The following PTPRN2 variants were observed in gnomAD, a reference collection of about 807,000 sequenced individuals.
PTPRN2 encodes the protein receptor-type tyrosine-protein phosphatase N2.
A neutral mutation model predicts 118.8 loss-of-function variants in PTPRN2; 74 were observed. The ratio of observed to expected loss-of-function variants is 0.62; its 90% CI spans 0.52 to 0.76. The LOEUF (loss-of-function observed/expected upper bound fraction) is 0.76. Ranked by LOEUF, PTPRN2 falls within the 30% of genes least tolerant of loss-of-function variation. The probability of loss-of-function intolerance (pLI) is 0.00; values close to 1 mark genes in which losing one functional copy is unlikely to be tolerated. For missense variants in PTPRN2, 1,481 were observed against 1,394.4 expected, an observed-to-expected ratio of 1.06 and a Z score of -0.99; for synonymous variants, 641 against 608.0, an observed-to-expected ratio of 1.05 and a Z score of -0.80.
chr7:157,998,672 A>C (rs796288119), intron 11 of PTPRN2, among the ~76,000 whole-genome samples: 55 of 152,104 alleles, frequency 3.6e-4, no homozygotes, highest in African/African-American at 1.3e-3. Context: ...AAAATACAAA[A>C]ATTAGCTGGG....
At chr7:158,341,533 TAA>T (rs1446770041) in intron 2 of PTPRN2, among the ~76,000 whole-genome samples, 89 of 72,178 alleles carry the variant, frequency 1.2e-3, no homozygotes, top group African/African-American at 5.4e-3. Flanking sequence ...ACTCTCACCA[TAA>T]GAGGTGACAT....
chr7:158,071,391 G>C (rs1427605508), intron 11 of PTPRN2, among the ~76,000 whole-genome samples: 9 of 103,264 alleles, frequency 8.7e-5, no homozygotes, highest in Non-Finnish European at 1.5e-4. Flanking sequence ...GCTCGTGGTG[G>C]AGGTGCTCGT....
chr7:157,650,648 G>A (rs1045809880), intron 14 of PTPRN2, among the ~76,000 whole-genome samples: 4 of 152,230 alleles, frequency 2.6e-5, no homozygotes, highest in South Asian at 2.1e-4. Flanking sequence ...CGTCAACCAC[G>A]TGGGAACGAT....
chr7:158,044,658 A>C (rs1032979173), intron 11 of PTPRN2, among the ~76,000 whole-genome samples: 1 of 151,936 alleles, frequency 6.6e-6, no homozygotes, highest in Non-Finnish European at 1.5e-5. Flanking sequence ...GGGGACAAGG[A>C]GAACCCGTGC....
chr7:158,063,252 A>G (rs753780550), intron 11 of PTPRN2, among the ~76,000 whole-genome samples: 45 of 151,876 alleles, frequency 3.0e-4, no homozygotes, highest in Non-Finnish European at 4.9e-4. Context: ...AAATACACCA[A>G]TCAGCACTCT....
At chr7:157,775,700 C>T (rs574256827) in intron 12 of PTPRN2, among the ~76,000 whole-genome samples, 3 of 152,256 alleles carry the variant, frequency 2.0e-5, no homozygotes, top group African/African-American at 7.2e-5. Context: ...GGAGCCTGGA[C>T]GGAAGCTCCA....
At chr7:158,448,757 C>T (rs190675550) in intron 2 of PTPRN2, among the ~76,000 whole-genome samples, 26 of 152,290 alleles carry the variant, frequency 1.7e-4, no homozygotes, top group African/African-American at 4.8e-4. Flanking sequence ...CAGCCTAAGA[C>T]GGGTTCAAGG....
intron 2 of PTPRN2, among the ~76,000 whole-genome samples, chr7:158,396,438 ATG>A (rs1190883455): frequency 1.3e-4 from 20 of 149,340 alleles, no homozygotes; most frequent in Middle Eastern, 3.5e-3. Flanking sequence ...GTGTGCATGA[ATG>A]TGTCACGTGT....
chr7:157,598,888 T>C lies in PTPRN2; in HGVS notation c.2419-3573A>G, dbSNP rs142598951. Among the ~76,000 whole-genome samples the C allele has an allele frequency of 3.1e-3, 469 of 152,330 alleles. 6 individuals are homozygous for C. Among genetic ancestry groups the C allele is most frequent in the African/African-American group, 0.011 (438 of 41,570 alleles). On this transcript the variant is annotated intron_variant, in intron 16 of 22. Transcript: ENST00000389418. The surrounding 1 kb of genome is among the most constrained non-coding windows in gnomAD (Gnocchi z 5.2). ...CGCTTTCTCCCCAGACAGGGGCTTC[T>C]GCAGCAACACATCCCGCCTAGAGAG...
intron 9 of PTPRN2, among the ~76,000 whole-genome samples, chr7:158,114,757 C>A (rs1816589425): frequency 6.6e-6 from 1 of 152,136 alleles, no homozygotes; most frequent in Non-Finnish European, 1.5e-5. Context: ...GTAAGGGAGC[C>A]CCAGAAGGGT....
intron 2 of PTPRN2, among the ~76,000 whole-genome samples, chr7:158,444,180 A>C (rs924546154): frequency 5.3e-5 from 8 of 152,226 alleles, no homozygotes; most frequent in Non-Finnish European, 1.0e-4. Flanking sequence ...CCCCTCCGGC[A>C]GCCTCGCCTG....
chr7:157,888,813 C>T (rs2043491), intron 12 of PTPRN2, among the ~76,000 whole-genome samples: 21,362 of 152,088 alleles, frequency 0.14, 1,746 homozygotes, highest in Admixed American at 0.25. Flanking sequence ...TGTGTGTAAA[C>T]GCCTTTCCTT....
At chr7:157,999,349 G>C (rs945363434) in intron 11 of PTPRN2, among the ~76,000 whole-genome samples, 8 of 152,144 alleles carry the variant, frequency 5.3e-5, no homozygotes, top group African/African-American at 1.9e-4. Flanking sequence ...TAGTTTCATG[G>C]TGACTGAGCA....
intron 3 of PTPRN2, among the ~76,000 whole-genome samples, chr7:158,255,229 C>T (rs892451422): frequency 3.3e-5 from 5 of 152,188 alleles, no homozygotes; most frequent in Admixed American, 1.3e-4. Flanking sequence ...CAAGACTTCA[C>T]GCGAGCACAG....
intron 3 of PTPRN2, among the ~76,000 whole-genome samples, chr7:158,284,258 G>A (rs1206810825): frequency 6.6e-6 from 1 of 152,166 alleles, no homozygotes; most frequent in African/African-American, 2.4e-5. Context: ...GGTGGGCACT[G>A]GGCACTGTTG....
chr7:157,599,899 A>C (rs1164421775), intron 16 of PTPRN2, among the ~76,000 whole-genome samples: 11 of 99,766 alleles, frequency 1.1e-4, no homozygotes, highest in Non-Finnish European at 1.7e-4. Context: ...CCACCTCTCC[A>C]CCTGCCCCTC....
chr7:157,898,529 C>G (rs1797261211), intron 12 of PTPRN2, 144 bp downstream of exon 12: 1 of 821,356 alleles, frequency 1.2e-6, no homozygotes, highest in East Asian at 2.5e-5. Flanking sequence ...AGAGGATGCT[C>G]CTGCTGCAGC....
chr7:158,149,795 G>T (rs1585635778), intron 6 of PTPRN2, among the ~76,000 whole-genome samples: 1 of 133,346 alleles, frequency 7.5e-6, no homozygotes, highest in Non-Finnish European at 1.6e-5. Flanking sequence ...CAGAGCAAGA[G>T]TCCATCTCAA....
At chr7:157,728,209 C>T (rs185051829) in intron 12 of PTPRN2, among the ~76,000 whole-genome samples, 10 of 152,346 alleles carry the variant, frequency 6.6e-5, no homozygotes, top group African/African-American at 9.6e-5. Context: ...CCGACTCTGC[C>T]GCGCGGTCTC....
Sources: gnomAD v4.1 joint callset for allele counts (sites outside exome capture counted in the v4.1 genomes callset) on GRCh38, gnomAD v4.1.1 for gene constraint, Gnocchi (gnomAD v3.1) non-coding constraint, MANE v1.5 for transcripts, NCBI Gene and HGNC (gene_info 2026-07-23, HGNC 2026-07-21) for gene names.